VWA3A: variants seen among roughly 807,000 people sequenced by gnomAD.
The protein encoded by VWA3A is von Willebrand factor A domain-containing protein 3A.
In VWA3A, 134 loss-of-function variants were observed where a neutral mutation model predicts 160.4. The ratio of observed to expected loss-of-function variants is 0.84; its 90% confidence interval spans 0.73 to 0.96. The LOEUF is 0.96. Ranked by LOEUF, VWA3A falls within the 40% of genes least tolerant of loss-of-function variation. VWA3A has a pLI of 0.00. For missense variants in VWA3A, 1,310 were observed against 1,447.9 expected (o/e 0.90, Z 1.55); for synonymous variants, 476 against 543.4 (o/e 0.88, Z 1.72).
At chr16:22,108,820 G>C (rs1373207799) in intron 6 of VWA3A, among the ~76,000 whole-genome samples, 1 of 152,158 alleles carries the variant, frequency 6.6e-6, no homozygotes, top group Non-Finnish European at 1.5e-5. Flanking sequence ...GACTTAGAAT[G>C]GTTCAACTTA....
chr16:22,094,042 G>A (rs1287769762), intron 1 of VWA3A, among the ~76,000 whole-genome samples: 1 of 151,862 alleles, frequency 6.6e-6, no homozygotes, highest in Non-Finnish European at 1.5e-5. Context: ...CCAATGTGCT[G>A]GGATTGCAGG....
chr16:22,115,250 T>C, intron 8 of VWA3A, 97 bp from the exon 9 acceptor site: 1 of 1,365,892 alleles, frequency 7.3e-7, no homozygotes, highest in South Asian at 1.6e-5. Context: ...CACTTCAGCC[T>C]GGGTAACACA....
rs766592318 is a variant in VWA3A at position 22,149,946 on chromosome 16, G to A, written c.3129+15G>A. The stretch of plus-strand genomic sequence containing the variant: ...AAGCATTGCTGGCAAGTCCCACCAC[G>A]GAGCCCGACCTTGACGCAAAACAAA... On this transcript the variant is annotated intron_variant, in intron 29 of 33. Coordinates refer to ENST00000389398, the MANE Select transcript of VWA3A (RefSeq NM_173615.5). The A allele has an allele frequency of 1.0e-5, 16 of 1,593,798 alleles. No individual in the cohort carries two copies. The highest frequency in any genetic ancestry group is 3.4e-5 in the South Asian group (3 of 89,222).
At chr16:22,093,420 C>A (rs537999044) in intron 1 of VWA3A, among the ~76,000 whole-genome samples, 5 of 152,160 alleles carry the variant, frequency 3.3e-5, no homozygotes, top group Admixed American at 3.3e-4. Context: ...AAGGTACTCA[C>A]AGAAGACCTC....
At chr16:22,150,129 C>T (rs1010062674) in intron 29 of VWA3A, among the ~76,000 whole-genome samples, 198 bp downstream of exon 29, 2 of 152,148 alleles carry the variant, frequency 1.3e-5, no homozygotes, top group Non-Finnish European at 2.9e-5. Context: ...AGGCTGGGTG[C>T]GGTGGCTCAC....
intron 7 of VWA3A, 107 bp from the exon 8 acceptor site, chr16:22,110,781 A>G (rs928163152): frequency 5.9e-6 from 6 of 1,008,456 alleles, no homozygotes; most frequent in Non-Finnish European, 8.6e-6. Context: ...AGCCCTATTC[A>G]GTACAGCTCA....
At chr16:22,098,106 C>T (rs905475394) in intron 3 of VWA3A, among the ~76,000 whole-genome samples, 18 of 152,274 alleles carry the variant, frequency 1.2e-4, no homozygotes, top group African/African-American at 4.1e-4. Context: ...GACCAGACTA[C>T]GATTTTAGGC....
intron 22 of VWA3A, 53 bp from the exon 23 acceptor site, chr16:22,140,101 C>A: frequency 6.4e-7 from 1 of 1,560,014 alleles, no homozygotes; most frequent in South Asian, 1.1e-5. Context: ...TAACTGGGAT[C>A]CTGCGTGACA....
chr16:22,124,846 T>C (rs891032530), intron 16 of VWA3A, among the ~76,000 whole-genome samples: 7 of 152,116 alleles, frequency 4.6e-5, no homozygotes, highest in African/African-American at 1.7e-4. Flanking sequence ...TGAACCAAGG[T>C]CTTCTGACTG....
rs1372163445 is a variant in VWA3A, at chr16:22,156,343, C to T, written c.*326C>T. The T allele has an allele frequency of 1.1e-5, 2 of 189,082 alleles. No individual in the cohort carries two copies. The highest frequency in any genetic ancestry group is 2.2e-5 in the Non-Finnish European group (2 of 92,036). The allele number at this position is 189,082 out of a possible 1,614,324, so 11.7% of individuals were successfully genotyped here. The stretch of plus-strand genomic sequence containing the variant: ...CCCCTGCCTGAACGGTGCTTCTTGC[C>T]CCCTCTGCCTGGAGACTCCTGCTCA... On this transcript the variant is annotated 3_prime_UTR_variant, in exon 34 of 34. Coordinates refer to ENST00000389398, the MANE Select transcript of VWA3A (RefSeq NM_173615.5).
intron 21 of VWA3A, among the ~76,000 whole-genome samples, chr16:22,136,895 G>GCACACACACA: frequency 7.0e-6 from 1 of 142,682 alleles, no homozygotes; most frequent in Non-Finnish European, 1.5e-5. Context: ...ACACACACAC[G>GCACACACACA]CACACACACA....
chr16:22,128,004 T>C (rs972740478), intron 17 of VWA3A, among the ~76,000 whole-genome samples: 2 of 152,058 alleles, frequency 1.3e-5, no homozygotes, highest in African/African-American at 4.8e-5. Context: ...CTGGGAATGA[T>C]GGGGTCCTAG....
chr16:22,124,759 T>C (rs554051066), intron 16 of VWA3A, among the ~76,000 whole-genome samples: 4 of 152,108 alleles, frequency 2.6e-5, no homozygotes, highest in African/African-American at 7.2e-5. Flanking sequence ...AAGTAGTTTA[T>C]GGTTAAACTA....
chr16:22,140,063 G>C (rs1365423882), intron 22 of VWA3A, 91 bp from the exon 23 acceptor site: 10 of 1,321,414 alleles, frequency 7.6e-6, no homozygotes, highest in Non-Finnish European at 8.5e-6. Flanking sequence ...CCCTACAAAA[G>C]TTCCTGATTG....
At chr16:22,109,335 C>T (rs773788037) in intron 6 of VWA3A, 147 bp from the exon 7 acceptor site, 4 of 666,388 alleles carry the variant, frequency 6.0e-6, no homozygotes, top group Non-Finnish European at 1.0e-5. Flanking sequence ...TTGGGTTTTG[C>T]TTTTCCCTTA....
chr16:22,133,667 A>AC (rs1447300098), intron 20 of VWA3A, among the ~76,000 whole-genome samples: 1 of 143,788 alleles, frequency 7.0e-6, no homozygotes, highest in African/African-American at 2.7e-5. Flanking sequence ...AAAAAAAAAA[A>AC]AGAAGAAGAA....
intron 22 of VWA3A, 75 bp from the exon 23 acceptor site, chr16:22,140,079 T>C (rs555231801): frequency 1.7e-5 from 24 of 1,448,540 alleles, no homozygotes; most frequent in South Asian, 9.6e-5. Context: ...GATTGACAAA[T>C]TGAGGTCAGG....
intron 30 of VWA3A, 67 bp downstream of exon 30, chr16:22,150,913 C>G: frequency 6.6e-7 from 1 of 1,511,784 alleles, no homozygotes; most frequent in Non-Finnish European, 8.9e-7. Context: ...GCAGGGAGAT[C>G]CAAGCCCCTC....
chr16:22,121,626 G>A lies in VWA3A; in HGVS notation c.1356+9G>A. ...CATCGACCATCCATGAGGTAATTCAGATTCATAATTCTCTCCAGTCCTCCA... is the reference window on the plus strand; with the variant it reads ...CATCGACCATCCATGAGGTAATTCAAATTCATAATTCTCTCCAGTCCTCCA... On this transcript the variant is annotated intron_variant, in intron 14 of 33. Transcript: ENST00000389398. The A allele has an allele frequency of 3.1e-6, 5 of 1,599,772 alleles. No individual in the cohort carries two copies. Among genetic ancestry groups the A allele is most frequent in the South Asian group, 1.1e-5 (1 of 90,804 alleles).
Sources: gnomAD v4.1 joint callset for allele counts (sites outside exome capture counted in the v4.1 genomes callset) on GRCh38, gnomAD v4.1.1 for gene constraint, MANE v1.5 for transcripts, NCBI Gene and HGNC (gene_info 2026-07-23, HGNC 2026-07-21) for gene names.